Variants in CADM1 observed in about 807,000 individuals in gnomAD.
CADM1 encodes cell adhesion molecule 1.
A neutral mutation model predicts 53.1 loss-of-function variants in CADM1; 15 were observed. The observed-to-expected ratio is 0.28, with a 90% CI of 0.19 to 0.44. The LOEUF (loss-of-function observed/expected upper bound fraction) is 0.44, where lower values mean the gene tolerates loss of function less well. CADM1 is among the 20% of genes least tolerant of loss of function. The probability of loss-of-function intolerance (pLI) is 1.00; values close to 1 mark genes in which losing one functional copy is unlikely to be tolerated. For synonymous variants in CADM1, 281 were observed against 243.0 expected (o/e 1.16, Z -1.45); for missense variants, 434 against 611.3 (o/e 0.71, Z 3.06).
At chr11:115,441,955 G>A (rs1262871505) in intron 1 of CADM1, among the ~76,000 whole-genome samples, 1 of 152,080 alleles carries the variant, frequency 6.6e-6, no homozygotes, top group South Asian at 2.1e-4. Context: ...TTGAGGACTG[G>A]GCATTGTACT....
intron 1 of CADM1, among the ~76,000 whole-genome samples, chr11:115,418,548 T>C (rs1183680211): frequency 6.6e-6 from 1 of 152,182 alleles, no homozygotes; most frequent in Non-Finnish European, 1.5e-5. Flanking sequence ...TCACATTATA[T>C]ATTTAAAAAA....
intron 1 of CADM1, among the ~76,000 whole-genome samples, chr11:115,272,374 T>C (rs957406896): frequency 3.3e-5 from 5 of 152,130 alleles, no homozygotes; most frequent in African/African-American, 1.2e-4. Flanking sequence ...TATTATCTAA[T>C]AGTAATGAGT....
chr11:115,328,820 A>G (rs1405282623), intron 1 of CADM1, among the ~76,000 whole-genome samples: 2 of 131,456 alleles, frequency 1.5e-5, no homozygotes, highest in Admixed American at 8.1e-5. Context: ...AGTTGTCAGT[A>G]TATCTTATGG....
At chr11:115,381,847 A>C (rs1262532081) in intron 1 of CADM1, among the ~76,000 whole-genome samples, 1 of 152,098 alleles carries the variant, frequency 6.6e-6, no homozygotes, top group East Asian at 1.9e-4. Context: ...AGTTCTAATA[A>C]TAGGATTTTT....
intron 1 of CADM1, among the ~76,000 whole-genome samples, chr11:115,295,541 TATATATA>T (rs1418757697): frequency 2.4e-5 from 2 of 82,470 alleles, no homozygotes; most frequent in African/African-American, 5.4e-5. Flanking sequence ...TATATATATA[TATATATA>T]TAATATATAT....
chr11:115,215,443 T>G (rs1941140101), intron 6 of CADM1, among the ~76,000 whole-genome samples: 1 of 152,134 alleles, frequency 6.6e-6, no homozygotes. Context: ...GCAAATTGCC[T>G]TCTTTACTGG....
At chr11:115,450,993 T>C (rs1322969225) in intron 1 of CADM1, among the ~76,000 whole-genome samples, 1 of 152,174 alleles carries the variant, frequency 6.6e-6, no homozygotes, top group Non-Finnish European at 1.5e-5. Flanking sequence ...TTATCTGAAT[T>C]TACACAAAAA....
At chr11:115,439,043 C>CT (rs1948247059) in intron 1 of CADM1, among the ~76,000 whole-genome samples, 1 of 152,190 alleles carries the variant, frequency 6.6e-6, no homozygotes, top group Admixed American at 6.5e-5. Context: ...GGGAGGGGTG[C>CT]ACTGGGTCTT....
intron 5 of CADM1, among the ~76,000 whole-genome samples, chr11:115,220,408 C>T (rs2134791569): frequency 6.6e-6 from 1 of 152,152 alleles, no homozygotes; most frequent in East Asian, 1.9e-4. Flanking sequence ...TTTGTTATAC[C>T]CAAAATTTAT....
intron 1 of CADM1, among the ~76,000 whole-genome samples, chr11:115,293,570 T>G (rs1943967313): frequency 6.6e-6 from 1 of 152,214 alleles, no homozygotes; most frequent in Admixed American, 6.5e-5. Flanking sequence ...AAAGTTTCTA[T>G]CCTACAGTCT....
chr11:115,414,714 GT>G (rs1203730600), intron 1 of CADM1, among the ~76,000 whole-genome samples: 3 of 92 alleles, frequency 0.033, no homozygotes, highest in Admixed American at 0.12. Flanking sequence ...GAAGGACACT[GT>G]GGCATTTGTC....
chr11:115,362,149 G>C (rs1195220435), intron 1 of CADM1, among the ~76,000 whole-genome samples: 3 of 152,166 alleles, frequency 2.0e-5, no homozygotes, highest in Non-Finnish European at 1.5e-5. Context: ...TCAGAAACAA[G>C]TCCTAACAGT....
chr11:115,388,134 A>C (rs1429243978), intron 1 of CADM1, among the ~76,000 whole-genome samples: 1 of 152,146 alleles, frequency 6.6e-6, no homozygotes, highest in Non-Finnish European at 1.5e-5. Context: ...CAAAATAATT[A>C]AGAAAAGTAG....
intron 1 of CADM1, among the ~76,000 whole-genome samples, chr11:115,255,926 T>C (rs1223503422): frequency 6.6e-6 from 1 of 152,236 alleles, no homozygotes; most frequent in Non-Finnish European, 1.5e-5. Flanking sequence ...AAATAGATTA[T>C]TCTGCACTTA....
chr11:115,301,556 A>G (rs1944221723), intron 1 of CADM1, among the ~76,000 whole-genome samples: 1 of 152,150 alleles, frequency 6.6e-6, no homozygotes, highest in South Asian at 2.1e-4. Context: ...TCACATTTAT[A>G]TCATATAAAA....
chr11:115,224,436 T>C (rs1941524449), intron 5 of CADM1, among the ~76,000 whole-genome samples: 1 of 152,286 alleles, frequency 6.6e-6, no homozygotes, highest in East Asian at 1.9e-4. Flanking sequence ...AGAGCAGGCA[T>C]GGCATTCAAG....
intron 1 of CADM1, among the ~76,000 whole-genome samples, chr11:115,342,850 A>G (rs1945484255): frequency 6.6e-6 from 1 of 152,106 alleles, no homozygotes; most frequent in African/African-American, 2.4e-5. Flanking sequence ...TATGCTGGTA[A>G]ATTGCACCTA....
intron 7 of CADM1, 28 bp downstream of exon 7, chr11:115,214,580 T>G (rs574332848): frequency 6.3e-7 from 1 of 1,595,174 alleles, no homozygotes; most frequent in East Asian, 2.2e-5. Flanking sequence ...CTGACTCTAG[T>G]AGAAGAGCAT....
chr11:115,408,920 T>C (rs1211096423), intron 1 of CADM1, among the ~76,000 whole-genome samples: 1 of 152,202 alleles, frequency 6.6e-6, no homozygotes, highest in Non-Finnish European at 1.5e-5. Context: ...GAAATAGATT[T>C]TCGTTTTAAT....
Sources: allele counts gnomAD v4.1 joint callset (sites outside exome capture counted in the v4.1 genomes callset), GRCh38; gene constraint gnomAD v4.1.1; transcripts MANE v1.5; gene names NCBI Gene and HGNC (gene_info 2026-07-23, HGNC 2026-07-21).